CCL28: variants seen among roughly 807,000 people sequenced by gnomAD.
CCL28 encodes C-C motif chemokine ligand 28, also known as C-C motif chemokine 28.
In CCL28, 4 loss-of-function variants were observed where a neutral mutation model predicts 7.1. That is an observed-to-expected ratio of 0.56 (90% CI 0.28 to 1.29). The LOEUF is 1.29. CCL28 is among the 50% of genes most tolerant of loss of function. CCL28 has a pLI of 0.11. For synonymous variants in CCL28, 55 were observed against 57.8 expected (o/e 0.95, Z 0.22); for missense variants, 151 against 163.4 (o/e 0.92, Z 0.41).
At chr5:43,388,281 A>G in intron 2 of CCL28, 69 bp downstream of exon 2, 1 of 1,580,190 alleles carries the variant, frequency 6.3e-7, no homozygotes, top group Non-Finnish European at 8.6e-7. Context: ...AGCCTTTCCA[A>G]CCTATTATTC....
the CCL28 span, among the ~76,000 whole-genome samples, chr5:43,371,423 T>C: frequency 2.2e-3 from 335 of 152,334 alleles, no homozygotes; most frequent in African/African-American, 7.6e-3. Flanking sequence ...CTGTATAACC[T>C]ACAGAGACAG....
Position 43,381,612 on chromosome 5 carries a change from A to G in CCL28, c.*248T>C, listed in dbSNP as rs1419534877. ...TGGTCTCAAGTGATCCTCCTGCCTC[A>G]GCCTCCCGAAGTGCTGGGATAAAAG... On this transcript the variant is annotated 3_prime_UTR_variant, in exon 3 of 3. Coordinates refer to ENST00000361115, the MANE Select transcript of CCL28 (RefSeq NM_148672.3). The G allele has an allele frequency of 8.4e-6, 3 of 358,582 alleles. No homozygotes were observed. Among genetic ancestry groups the G allele is most frequent in the Non-Finnish European group, 1.0e-5 (2 of 199,974 alleles). 22.2% of individuals were successfully genotyped at this position (358,582 alleles called of 1,614,324 possible). A position where few individuals can be genotyped will look rare whatever the true frequency, so the allele number is the denominator to read the frequency against.
the CCL28 span, among the ~76,000 whole-genome samples, chr5:43,371,068 T>C: frequency 6.6e-6 from 1 of 152,202 alleles, no homozygotes; most frequent in Non-Finnish European, 1.5e-5. Flanking sequence ...TTCTCCTTCT[T>C]CTTTTTTCTT....
chr5:43,358,275 T>G, the CCL28 span, among the ~76,000 whole-genome samples: 1 of 152,146 alleles, frequency 6.6e-6, no homozygotes, highest in African/African-American at 2.4e-5. Context: ...AACACCTCAT[T>G]GTACAAAGTA....
intron 2 of CCL28, 86 bp downstream of exon 2, chr5:43,388,264 C>A (rs1396075494): frequency 1.3e-6 from 2 of 1,512,986 alleles, no homozygotes; most frequent in East Asian, 4.6e-5. Flanking sequence ...ATGTTGTAAT[C>A]AAGCAAAGCC....
the CCL28 span, among the ~76,000 whole-genome samples, chr5:43,364,824 A>AT: frequency 6.6e-6 from 1 of 151,766 alleles, no homozygotes; most frequent in African/African-American, 2.4e-5. Context: ...CTTTCTTTGT[A>AT]TTTTTTTATC....
chr5:43,382,446 A>T (rs1379608657), intron 2 of CCL28, among the ~76,000 whole-genome samples: 2 of 152,146 alleles, frequency 1.3e-5, no homozygotes, highest in Non-Finnish European at 2.9e-5. Flanking sequence ...TCTCAAACAC[A>T]TCCTTAAGGT....
intron 1 of CCL28, among the ~76,000 whole-genome samples, chr5:43,408,643 A>C (rs1741403312): frequency 6.6e-6 from 1 of 152,202 alleles, no homozygotes; most frequent in South Asian, 2.1e-4. Flanking sequence ...TATAATAAAA[A>C]AAAATTGGTG....
the CCL28 span, among the ~76,000 whole-genome samples, chr5:43,371,110 A>G: frequency 5.9e-4 from 90 of 152,240 alleles, no homozygotes; most frequent in Admixed American, 1.4e-3. Context: ...TTTAATATAT[A>G]TGGAGGAACA....
intron 1 of CCL28, among the ~76,000 whole-genome samples, chr5:43,400,683 G>A (rs2111857748): frequency 6.6e-6 from 1 of 152,258 alleles, no homozygotes; most frequent in East Asian, 1.9e-4. Context: ...TAGAAACAGA[G>A]TAAAGAAAGG....
downstream of CCL28, among the ~76,000 whole-genome samples, chr5:43,374,143 T>C (rs1397799544): frequency 1.3e-5 from 2 of 152,244 alleles, no homozygotes; most frequent in Non-Finnish European, 2.9e-5. Flanking sequence ...AAATAAGATG[T>C]CACTTGCCTA....
chr5:43,403,750 TAAA>T (rs900887576), intron 1 of CCL28, among the ~76,000 whole-genome samples: 11 of 152,244 alleles, frequency 7.2e-5, no homozygotes, highest in Admixed American at 2.0e-4. Context: ...GCAAAGAAGT[TAAA>T]AACCTTGAAA....
At chr5:43,378,500 CA>C (rs1288363083), downstream of CCL28, among the ~76,000 whole-genome samples, 2 of 151,922 alleles carry the variant, frequency 1.3e-5, no homozygotes, top group East Asian at 3.8e-4. Context: ...TGTAACTTTT[CA>C]AAAAGAAAAC....
chr5:43,398,242 A>T (rs1454681479), intron 1 of CCL28, among the ~76,000 whole-genome samples: 1 of 151,800 alleles, frequency 6.6e-6, no homozygotes, highest in Non-Finnish European at 1.5e-5. Flanking sequence ...CTTAGATAAG[A>T]TCTTGCTCTG....
rs540637349 is a variant in CCL28 at position 43,412,241 on chromosome 5, GC to G, written c.64+11del. ...TCCAGTGAAGGCCTAAGTGTCCAGT[GC>G]CCCCACTCACCTTCTGAGGCATGTA... On this transcript the variant is annotated intron_variant, in intron 1 of 2. Coordinates refer to ENST00000361115, the MANE Select transcript of CCL28 (RefSeq NM_148672.3). 4.0e-5 allele frequency: 64 copies of G among 1,608,266 alleles called. No homozygotes were observed. The African/African-American group carries it at 8.1e-4, about 20-fold the overall frequency.
the CCL28 span, among the ~76,000 whole-genome samples, chr5:43,358,015 T>C: frequency 2.4e-3 from 370 of 152,280 alleles, 5 homozygotes; most frequent in African/African-American, 8.5e-3. Flanking sequence ...ACTTGCTGCT[T>C]TTAGAGGCAC....
chr5:43,375,925 C>T (rs561988048), downstream of CCL28, among the ~76,000 whole-genome samples: 2 of 151,468 alleles, frequency 1.3e-5, no homozygotes, highest in South Asian at 2.1e-4. Flanking sequence ...ATGCCAACTA[C>T]TCGGGAGGCT....
At chr5:43,366,184 C>T in the CCL28 span, among the ~76,000 whole-genome samples, 1 of 152,182 alleles carries the variant, frequency 6.6e-6, no homozygotes, top group Non-Finnish European at 1.5e-5. Flanking sequence ...CAAACTCATT[C>T]TCCCTCCAGT....
chr5:43,408,496 G>C lies in CCL28; in HGVS notation c.64+3757C>G, dbSNP rs150351806. ...ACACACCAGGGCCTGTCGTAAGGTG[G>C]GGGGAGCGGGGAGGGATAGCGTTAG... On this transcript the variant is annotated intron_variant, in intron 1 of 2. Transcript: ENST00000361115. Among the ~76,000 whole-genome samples the C allele has an allele frequency of 1.8e-3, 271 of 152,298 alleles. 3 individuals carry two copies. In the Middle Eastern group the frequency reaches 0.027, roughly 15 times the overall value.
Sources: gnomAD v4.1 joint callset for allele counts (sites outside exome capture counted in the v4.1 genomes callset) on GRCh38, gnomAD v4.1.1 for gene constraint, MANE v1.5 for transcripts, NCBI Gene and HGNC (gene_info 2026-07-23, HGNC 2026-07-21) for gene names.